GRIK2: variants seen among roughly 807,000 people sequenced by gnomAD.
GRIK2 encodes the protein glutamate receptor ionotropic, kainate 2.
GRIK2 carries 32 observed loss-of-function variants against 100.3 expected under a neutral mutation model. The observed-to-expected ratio is 0.32, with a 90% CI of 0.24 to 0.43. The LOEUF is 0.43. Among genes scored for constraint, GRIK2 ranks in the 20% least tolerant of loss-of-function variants. The probability of loss-of-function intolerance (pLI) is 1.00; values close to 1 mark genes in which losing one functional copy is unlikely to be tolerated. For missense variants in GRIK2, 843 were observed against 1,114.9 expected, an observed-to-expected ratio of 0.76 and a Z score of 3.47; for synonymous variants, 417 against 389.4, an observed-to-expected ratio of 1.07 and a Z score of -0.83.
chr6:101,754,574 C>T (rs1233401995), intron 7 of GRIK2, among the ~76,000 whole-genome samples: 2 of 152,156 alleles, frequency 1.3e-5, no homozygotes, highest in East Asian at 3.9e-4. Flanking sequence ...TAATCCTTTT[C>T]CCCACAGAAC....
chr6:101,435,495 C>T (rs1769663908), intron 2 of GRIK2, among the ~76,000 whole-genome samples: 1 of 151,866 alleles, frequency 6.6e-6, no homozygotes, highest in South Asian at 2.1e-4. Context: ...GCCACTTTTC[C>T]AGTTTTTTCA....
chr6:101,726,579 C>A (rs1774884268), intron 7 of GRIK2, among the ~76,000 whole-genome samples: 1 of 151,868 alleles, frequency 6.6e-6, no homozygotes, highest in Non-Finnish European at 1.5e-5. Context: ...AGTACCTACA[C>A]ATGAAGACAG....
At chr6:101,517,338 G>A (rs974680747) in intron 2 of GRIK2, among the ~76,000 whole-genome samples, 2 of 152,084 alleles carry the variant, frequency 1.3e-5, no homozygotes, top group African/African-American at 4.8e-5. Flanking sequence ...CACTGAGAAA[G>A]GAGGTTAAGT....
At chr6:101,635,155 T>C (rs1020241109) in intron 4 of GRIK2, among the ~76,000 whole-genome samples, 5 of 152,134 alleles carry the variant, frequency 3.3e-5, no homozygotes. Flanking sequence ...GTTGTACATT[T>C]TAAATACAAG....
At chr6:101,792,970 A>C (rs1323663872) in intron 7 of GRIK2, among the ~76,000 whole-genome samples, 14 of 151,788 alleles carry the variant, frequency 9.2e-5, no homozygotes, top group Admixed American at 8.5e-4. Context: ...ATCTTCCATC[A>C]CTGATACCCT....
At chr6:101,873,922 T>C (rs1211405167) in intron 11 of GRIK2, among the ~76,000 whole-genome samples, 4 of 152,132 alleles carry the variant, frequency 2.6e-5, no homozygotes, top group African/African-American at 4.8e-5. Context: ...TCATATCCTT[T>C]GCCCACTTGT....
rs1169622526 is a variant in GRIK2 at position 101,546,819 on chromosome 6, C to CTTTTTTTTTT, written c.116-75111_116-75102dup. Among the ~76,000 whole-genome samples, 4 of 76,886 alleles carry CTTTTTTTTTT rather than the reference C, an allele frequency of 5.2e-5. 1 individual carries two copies. Among genetic ancestry groups the CTTTTTTTTTT allele is most frequent in the African/African-American group, 1.9e-4 (4 of 21,042 alleles). 50.4% of individuals were successfully genotyped at this position (76,886 alleles called of 152,430 possible). ...TCCTCCAACTCTCATGTTTTTGTTT[C>CTTTTTTTTTT]TTTTTTTTTTTTTTTTTTTTTTTTT... On this transcript the variant is annotated intron_variant, in intron 2 of 16. Transcript: ENST00000369134.
intron 7 of GRIK2, among the ~76,000 whole-genome samples, chr6:101,796,723 T>C (rs1780327979): frequency 1.3e-5 from 2 of 152,168 alleles, no homozygotes; most frequent in Non-Finnish European, 2.9e-5. Context: ...TTATATTTTA[T>C]TGTTACAGAC....
chr6:101,753,274 C>G (rs1401990765), intron 7 of GRIK2, among the ~76,000 whole-genome samples: 1 of 136,238 alleles, frequency 7.3e-6, no homozygotes, highest in Non-Finnish European at 1.5e-5. Flanking sequence ...CAGAGCGAGA[C>G]TCCGTCTCAA....
intron 4 of GRIK2, among the ~76,000 whole-genome samples, chr6:101,675,280 C>T (rs535365775): frequency 1.2e-4 from 17 of 137,168 alleles, no homozygotes; most frequent in East Asian, 6.2e-4. Context: ...TACGCACACG[C>T]GCACGCACAC....
At chr6:101,793,376 A>T (rs1232302665) in intron 7 of GRIK2, among the ~76,000 whole-genome samples, 2 of 152,024 alleles carry the variant, frequency 1.3e-5, no homozygotes, top group African/African-American at 4.8e-5. Flanking sequence ...TGATGTACAG[A>T]TGGGTTTTGG....
At chr6:101,611,166 A>G (rs1361743588) in intron 2 of GRIK2, among the ~76,000 whole-genome samples, 1 of 151,878 alleles carries the variant, frequency 6.6e-6, no homozygotes, top group East Asian at 1.9e-4. Context: ...AGCTTTGTCA[A>G]GTAAAAGCTT....
intron 2 of GRIK2, among the ~76,000 whole-genome samples, chr6:101,522,925 A>G (rs1226883005): frequency 6.6e-6 from 1 of 150,380 alleles, no homozygotes; most frequent in Non-Finnish European, 1.5e-5. Flanking sequence ...TATATGTGTT[A>G]TATATTTAAT....
intron 10 of GRIK2, among the ~76,000 whole-genome samples, chr6:101,839,922 C>T (rs1294417114): frequency 6.6e-6 from 1 of 151,856 alleles, no homozygotes; most frequent in East Asian, 1.9e-4. Flanking sequence ...ATATATTGAT[C>T]TAGTTGGCAG....
intron 7 of GRIK2, among the ~76,000 whole-genome samples, chr6:101,722,925 A>C (rs190282869): frequency 2.0e-5 from 3 of 152,152 alleles, no homozygotes; most frequent in Non-Finnish European, 2.9e-5. Flanking sequence ...TTTTACTGCC[A>C]GTCCTTTTAA....
intron 9 of GRIK2, among the ~76,000 whole-genome samples, chr6:101,811,451 A>C (rs1458500060): frequency 6.6e-6 from 1 of 152,070 alleles, no homozygotes; most frequent in Non-Finnish European, 1.5e-5. Context: ...CCAGTAAGAA[A>C]GTATAAAGAG....
intron 12 of GRIK2, among the ~76,000 whole-genome samples, chr6:101,891,248 G>T (rs1270883237): frequency 6.6e-6 from 1 of 151,762 alleles, no homozygotes. Flanking sequence ...GCCGGGTGTG[G>T]TTGCTCACGC....
intron 2 of GRIK2, among the ~76,000 whole-genome samples, chr6:101,589,655 G>A (rs1388310116): frequency 3.3e-5 from 5 of 152,114 alleles, no homozygotes; most frequent in Non-Finnish European, 7.4e-5. Context: ...GCTTGAAAGA[G>A]GCCATGTTGA....
intron 2 of GRIK2, among the ~76,000 whole-genome samples, chr6:101,534,472 C>T (rs144967229): frequency 6.6e-6 from 1 of 151,868 alleles, no homozygotes; most frequent in Non-Finnish European, 1.5e-5. Context: ...TCAAAGTCAG[C>T]CCAAATGATC....
Sources: gnomAD v4.1 joint callset for allele counts (sites outside exome capture counted in the v4.1 genomes callset) on GRCh38, gnomAD v4.1.1 for gene constraint, MANE v1.5 for transcripts, NCBI Gene and HGNC (gene_info 2026-07-23, HGNC 2026-07-21) for gene names.